ATP6V1H: variants seen among roughly 807,000 people sequenced by gnomAD.
ATP6V1H encodes V-type proton ATPase subunit H.
Under a neutral mutation model 71.7 loss-of-function variants are expected in ATP6V1H, and 39 were observed. That is an observed-to-expected ratio of 0.54 (90% confidence interval 0.42 to 0.71). ATP6V1H has a LOEUF of 0.71. Among genes scored for constraint, ATP6V1H ranks in the 30% least tolerant of loss-of-function variants. The pLI, the probability that ATP6V1H is intolerant of heterozygous loss-of-function variation, is 0.00. For missense variants in ATP6V1H, 509 were observed against 594.9 expected (o/e 0.86, Z 1.50); for synonymous variants, 192 against 199.3 (o/e 0.96, Z 0.31).
Position 53,807,004 on chromosome 8 carries a change from C to T in ATP6V1H, c.579+4160G>A, listed in dbSNP as rs555524430. The stretch of plus-strand genomic sequence containing the variant: ...ACTGTCTGTAATTGCCTGTGAGTTA[C>T]TCCAGGTCCCCACAAACTTCACAAC... On this transcript the variant is annotated intron_variant, in intron 7 of 13. Transcript: ENST00000359530. 3 of 325,082 alleles carry T rather than the reference C, an allele frequency of 9.2e-6. No homozygotes were observed. In the East Asian group the frequency reaches 2.5e-4, roughly 27 times the overall value. The allele number at this position is 325,082 out of a possible 1,614,324, so 20.1% of individuals were successfully genotyped here. A position where few individuals can be genotyped will look rare whatever the true frequency, so the allele number is the denominator to read the frequency against.
intron 13 of ATP6V1H, among the ~76,000 whole-genome samples, chr8:53,723,951 CCT>C (rs1421272722): frequency 1.3e-5 from 2 of 152,232 alleles, no homozygotes; most frequent in South Asian, 2.1e-4. Context: ...TCACCAACCC[CCT>C]CTGTCAAAAA....
chr8:53,777,788 C>CA (rs1396907334), intron 9 of ATP6V1H, among the ~76,000 whole-genome samples: 7 of 152,160 alleles, frequency 4.6e-5, no homozygotes, highest in Non-Finnish European at 4.4e-5. Flanking sequence ...AGGTGGACCA[C>CA]ATTTGGCCCA....
chr8:53,781,951 G>A (rs1357910306), intron 9 of ATP6V1H, among the ~76,000 whole-genome samples: 2 of 152,208 alleles, frequency 1.3e-5, no homozygotes, highest in African/African-American at 2.4e-5. Flanking sequence ...TAGCCTTGTA[G>A]TATAGTTTGA....
intron 2 of ATP6V1H, among the ~76,000 whole-genome samples, chr8:53,838,337 TC>T (rs1407702860): frequency 2.6e-5 from 4 of 152,102 alleles, no homozygotes; most frequent in African/African-American, 9.7e-5. Flanking sequence ...CAGGCTGGTC[TC>T]AAACTCCTGA....
chr8:53,776,322 T>C (rs1485732968), intron 9 of ATP6V1H, among the ~76,000 whole-genome samples: 1 of 152,168 alleles, frequency 6.6e-6, no homozygotes, highest in Non-Finnish European at 1.5e-5. Context: ...GCTCTGGCCT[T>C]GGCCAGCCGA....
chr8:53,797,818 G>A (rs1328969510), intron 8 of ATP6V1H, among the ~76,000 whole-genome samples: 1 of 151,558 alleles, frequency 6.6e-6, no homozygotes, highest in African/African-American at 2.4e-5. Flanking sequence ...GAGCAACATG[G>A]CAAAACCCCA....
Position 53,819,749 on chromosome 8 carries a change from A to G in ATP6V1H, c.307-2219T>C, listed in dbSNP as rs955430779. Among the ~76,000 whole-genome samples, 6 of 144,078 alleles carry G rather than the reference A, an allele frequency of 4.2e-5. No homozygotes were observed. The East Asian group carries it at 1.2e-3, about 29-fold the overall frequency. The allele number at this position is 144,078 out of a possible 152,430, so 94.5% of individuals were successfully genotyped here. On this transcript the variant is annotated intron_variant, in intron 4 of 13. Transcript: ENST00000359530. ...TATATATATAGTATATAGTGTGTGT[A>G]TATATACACACATTTGTATATACAT...
rs1810262517 is a variant in ATP6V1H, at chr8:53,811,186, G to A, written c.557C>T (p.Thr186Ile). 2 of 1,613,364 alleles carry A rather than the reference G, an allele frequency of 1.2e-6. No individual in the cohort carries two copies. Among genetic ancestry groups the A allele is most frequent in the Non-Finnish European group, 1.7e-6 (2 of 1,179,516 alleles). ...KLRGSGVAVETGTVSSSDSSQ... is the reference protein window; with the variant it reads ...KLRGSGVAVEIGTVSSSDSSQ... ...TACATCACTTGAAGAGACTGTTCCT[G>A]TTTCAACAGCAACACCGCTACCACG... The change falls in exon 7 of 14, where the codon ACA becomes ATA. Residue 186 changes from threonine to isoleucine, a missense_variant. Coordinates refer to ENST00000359530, the MANE Select transcript of ATP6V1H (RefSeq NM_015941.4).
chr8:53,841,820 TC>T (rs1413207002), intron 1 of ATP6V1H, 95 bp from the exon 2 acceptor site: 15 of 1,163,972 alleles, frequency 1.3e-5, no homozygotes, highest in Non-Finnish European at 1.8e-5. Context: ...ATCACTTTAA[TC>T]TCCCCAGGCA....
At chr8:53,755,719 TATATATATATATATATA>T (rs1808015141) in intron 12 of ATP6V1H, among the ~76,000 whole-genome samples, 4 of 7,854 alleles carry the variant, frequency 5.1e-4, no homozygotes, top group African/African-American at 2.5e-3. Flanking sequence ...TATATATATA[TATATATATATATATATA>T]TATATATATT....
intron 9 of ATP6V1H, among the ~76,000 whole-genome samples, chr8:53,782,081 G>A (rs1395057366): frequency 1.3e-5 from 2 of 152,208 alleles, no homozygotes; most frequent in African/African-American, 4.8e-5. Flanking sequence ...TCTGAAGAAA[G>A]TCATTGGTAG....
intron 12 of ATP6V1H, among the ~76,000 whole-genome samples, chr8:53,747,187 T>C (rs960967545): frequency 6.6e-6 from 1 of 152,236 alleles, no homozygotes; most frequent in African/African-American, 2.4e-5. Context: ...TTTAGTATTC[T>C]AAACATGGCT....
chr8:53,816,683 C>T (rs866666476), intron 5 of ATP6V1H, among the ~76,000 whole-genome samples: 1 of 152,060 alleles, frequency 6.6e-6, no homozygotes, highest in East Asian at 1.9e-4. Context: ...GTAATCCCAG[C>T]TACTCAGGAG....
At chr8:53,798,798 A>C (rs908688361) in intron 8 of ATP6V1H, among the ~76,000 whole-genome samples, 1 of 152,200 alleles carries the variant, frequency 6.6e-6, no homozygotes, top group Admixed American at 6.5e-5. Context: ...GATTACTGCT[A>C]ATCTTATTAG....
At chr8:53,781,038 T>A (rs1281557188) in intron 9 of ATP6V1H, among the ~76,000 whole-genome samples, 2 of 152,222 alleles carry the variant, frequency 1.3e-5, no homozygotes, top group African/African-American at 4.8e-5. Context: ...TGATTTATAA[T>A]CCTTTGGGTA....
At chr8:53,771,902 C>A in intron 10 of ATP6V1H, 87 bp downstream of exon 10, 1 of 1,218,504 alleles carries the variant, frequency 8.2e-7, no homozygotes. Flanking sequence ...GTATAGGTGA[C>A]AACAAATTCA....
At chr8:53,803,481 C>T (rs1180021897) in intron 7 of ATP6V1H, among the ~76,000 whole-genome samples, 1 of 152,178 alleles carries the variant, frequency 6.6e-6, no homozygotes, top group Non-Finnish European at 1.5e-5. Context: ...ACCTAACATA[C>T]ATGATGCTAC....
chr8:53,834,988 AAAC>A (rs1348671661), intron 2 of ATP6V1H, among the ~76,000 whole-genome samples: 2 of 152,060 alleles, frequency 1.3e-5, no homozygotes, highest in Admixed American at 6.5e-5. Flanking sequence ...ACAAAAAATA[AAAC>A]AACAAAATAA....
Position 53,801,899 on chromosome 8 carries a change from G to A in ATP6V1H, c.580-3C>T, listed in dbSNP as rs745491994. On this transcript the variant is annotated splice_polypyrimidine_tract_variant and splice_region_variant and intron_variant, in intron 7 of 13. Transcript: ENST00000359530. ...ACGCACTGCACATACTGCGAACTCT[G>A]CACAAGAAGAAGTGTTGAGTTTTTA... is the stretch of plus-strand genomic sequence containing the variant. 1 of 1,611,408 alleles carries A rather than the reference G, an allele frequency of 6.2e-7. No homozygotes were observed. The highest frequency in any genetic ancestry group is 8.5e-7 in the Non-Finnish European group (1 of 1,178,830).
Sources: gnomAD v4.1 joint callset for allele counts (sites outside exome capture counted in the v4.1 genomes callset) on GRCh38, gnomAD v4.1.1 for gene constraint, MANE v1.5 for transcripts, NCBI Gene and HGNC (gene_info 2026-07-23, HGNC 2026-07-21) for gene names.